Variants in LRRTM4 observed in about 807,000 individuals in gnomAD.
The protein encoded by LRRTM4 is leucine-rich repeat transmembrane neuronal protein 4.
LRRTM4 carries 25 observed loss-of-function variants against 47.6 expected under a neutral mutation model. That is an observed-to-expected ratio of 0.53 (90% confidence interval 0.38 to 0.73). The LOEUF is 0.73. LRRTM4 is among the 30% of genes least tolerant of loss of function. The pLI, the probability that LRRTM4 is intolerant of heterozygous loss-of-function variation, is 0.00. For missense variants in LRRTM4, 638 were observed against 713.4 expected, an observed-to-expected ratio of 0.89 and a Z score of 1.20; for synonymous variants, 311 against 269.5, an observed-to-expected ratio of 1.15 and a Z score of -1.51.
At chr2:77,036,167 T>C (rs1678828979) in intron 3 of LRRTM4, among the ~76,000 whole-genome samples, 1 of 151,734 alleles carries the variant, frequency 6.6e-6, no homozygotes, top group Non-Finnish European at 1.5e-5. Context: ...GGGAAAGCAT[T>C]ATGGTGGAAT....
rs542380296 is a variant in LRRTM4 at position 77,078,853 on chromosome 2, C to T, written c.1552-329937G>A. Among the ~76,000 whole-genome samples the T allele has an allele frequency of 1.5e-4, 23 of 152,206 alleles. No individual in the cohort carries two copies. In the East Asian group the frequency reaches 4.3e-3, roughly 28 times the overall value. On this transcript the variant is annotated intron_variant, in intron 3 of 3. Transcript: ENST00000409884. The stretch of plus-strand genomic sequence containing the variant: ...AGCTGATTAACAATATAAATGTATT[C>T]CTCACAGTTCTGGTAGCTGGGAAGT...
intron 3 of LRRTM4, among the ~76,000 whole-genome samples, chr2:77,133,347 T>C (rs1671851752): frequency 6.6e-6 from 1 of 152,230 alleles, no homozygotes; most frequent in African/African-American, 2.4e-5. Context: ...CTCTTTTTTT[T>C]CCTGGAAAAT....
At chr2:76,913,705 A>G (rs1016276539) in intron 3 of LRRTM4, among the ~76,000 whole-genome samples, 2 of 151,774 alleles carry the variant, frequency 1.3e-5, no homozygotes, top group Non-Finnish European at 2.9e-5. Flanking sequence ...ACACCAGCTA[A>G]TTTTTGTATT....
At chr2:77,312,059 T>C (rs1677470585) in intron 3 of LRRTM4, among the ~76,000 whole-genome samples, 1 of 152,010 alleles carries the variant, frequency 6.6e-6, no homozygotes, top group East Asian at 1.9e-4. Context: ...CCACCCACTC[T>C]CCACACCCCC....
intron 3 of LRRTM4, among the ~76,000 whole-genome samples, chr2:77,333,932 C>T (rs1286186334): frequency 6.6e-6 from 1 of 152,170 alleles, no homozygotes; most frequent in Admixed American, 6.5e-5. Flanking sequence ...GCAGAGCTGC[C>T]TAAGACCATG....
chr2:77,178,129 T>G (rs1481869718), intron 3 of LRRTM4, among the ~76,000 whole-genome samples: 2 of 152,142 alleles, frequency 1.3e-5, no homozygotes, highest in Non-Finnish European at 2.9e-5. Context: ...TATATTGTAA[T>G]GAATAAATAT....
At chr2:77,483,912 GTCTA>G (rs1345148888) in intron 3 of LRRTM4, among the ~76,000 whole-genome samples, 2 of 152,164 alleles carry the variant, frequency 1.3e-5, no homozygotes, top group Non-Finnish European at 2.9e-5. Flanking sequence ...GTATCAGAGA[GTCTA>G]TCTGTCAATC....
chr2:77,288,562 G>C (rs1676726590), intron 3 of LRRTM4, among the ~76,000 whole-genome samples: 1 of 151,846 alleles, frequency 6.6e-6, no homozygotes. Context: ...ATTTTCCAAG[G>C]TAATGTGTCC....
chr2:77,116,235 A>G (rs1246732675), intron 3 of LRRTM4, among the ~76,000 whole-genome samples: 2 of 152,160 alleles, frequency 1.3e-5, no homozygotes, highest in Non-Finnish European at 2.9e-5. Context: ...AAGGTGGTGT[A>G]ATTAAACGCA....
At chr2:76,947,275 G>A (rs1012663966) in intron 3 of LRRTM4, among the ~76,000 whole-genome samples, 1 of 151,820 alleles carries the variant, frequency 6.6e-6, no homozygotes, top group Admixed American at 6.6e-5. Context: ...TCTCATTTAA[G>A]TCTCACTGTA....
intron 3 of LRRTM4, among the ~76,000 whole-genome samples, chr2:77,071,651 G>T (rs970227675): frequency 1.3e-5 from 2 of 152,068 alleles, no homozygotes; most frequent in African/African-American, 4.8e-5. Context: ...AAAACCTGAA[G>T]TTCTAATCAC....
At chr2:77,454,166 C>G (rs1266371432) in intron 3 of LRRTM4, among the ~76,000 whole-genome samples, 4 of 152,104 alleles carry the variant, frequency 2.6e-5, no homozygotes, top group Non-Finnish European at 5.9e-5. Context: ...TCTATTAAAG[C>G]AGAAATTCAT....
chr2:77,474,723 G>A (rs1469342281), intron 3 of LRRTM4, among the ~76,000 whole-genome samples: 3 of 151,914 alleles, frequency 2.0e-5, no homozygotes, highest in Non-Finnish European at 4.4e-5. Context: ...TTTGATTGAG[G>A]ATCAAAATTA....
intron 3 of LRRTM4, among the ~76,000 whole-genome samples, chr2:77,512,157 G>C (rs1679044564): frequency 6.6e-6 from 1 of 152,026 alleles, no homozygotes; most frequent in Non-Finnish European, 1.5e-5. Context: ...GGTTACGTTT[G>C]TTTAGATTTT....
chr2:77,374,460 A>C (rs1461802796), intron 3 of LRRTM4, among the ~76,000 whole-genome samples: 1 of 151,798 alleles, frequency 6.6e-6, no homozygotes. Flanking sequence ...AAATAAATAA[A>C]CACTTTCTCT....
At chr2:77,414,539 C>A (rs1025599409) in intron 3 of LRRTM4, among the ~76,000 whole-genome samples, 6 of 152,084 alleles carry the variant, frequency 3.9e-5, no homozygotes, top group African/African-American at 1.4e-4. Flanking sequence ...TAATTATTTG[C>A]CAACCACAGA....
intron 3 of LRRTM4, among the ~76,000 whole-genome samples, chr2:77,364,542 T>G (rs545684073): frequency 6.6e-6 from 1 of 152,150 alleles, no homozygotes; most frequent in African/African-American, 2.4e-5. Flanking sequence ...CTCCCTGAAT[T>G]TAGGGTGCTG....
intron 3 of LRRTM4, among the ~76,000 whole-genome samples, chr2:77,457,189 T>C (rs1035841649): frequency 6.6e-6 from 1 of 150,950 alleles, no homozygotes; most frequent in African/African-American, 2.4e-5. Context: ...TTTCCCAGAG[T>C]TTTAATGGCA....
chr2:77,356,841 G>T (rs1671986891), intron 3 of LRRTM4, among the ~76,000 whole-genome samples: 1 of 152,020 alleles, frequency 6.6e-6, no homozygotes, highest in Non-Finnish European at 1.5e-5. Context: ...TGCACACAAG[G>T]GTGCGTGCTA....
Sources: allele counts gnomAD v4.1 joint callset (sites outside exome capture counted in the v4.1 genomes callset), GRCh38; gene constraint gnomAD v4.1.1; transcripts MANE v1.5; gene names NCBI Gene and HGNC (gene_info 2026-07-23, HGNC 2026-07-21).